Variants in RAMP1 observed in about 807,000 individuals in gnomAD.
The protein encoded by RAMP1 is receptor activity-modifying protein 1.
A neutral mutation model predicts 8.2 loss-of-function variants in RAMP1; 7 were observed. The observed-to-expected ratio is 0.85, with a 90% CI of 0.49 to 1.60. RAMP1 has a LOEUF of 1.60. RAMP1 is among the 40% of genes most tolerant of loss of function. The pLI is 0.00. For synonymous variants in RAMP1, 92 were observed against 84.7 expected (o/e 1.09, Z -0.47); for missense variants, 192 against 202.4 (o/e 0.95, Z 0.31).
At chr2:237,896,824 T>C (rs988563483) in intron 2 of RAMP1, among the ~76,000 whole-genome samples, 27 of 152,148 alleles carry the variant, frequency 1.8e-4, no homozygotes, top group African/African-American at 6.5e-4. Context: ...TTTTAAACTT[T>C]GTGTAGAGAT....
intron 2 of RAMP1, among the ~76,000 whole-genome samples, chr2:237,883,043 A>G (rs989736758): frequency 6.6e-6 from 1 of 152,102 alleles, no homozygotes; most frequent in African/African-American, 2.4e-5. Flanking sequence ...AGTGCAGTTG[A>G]GGCTTGGCAG....
intron 2 of RAMP1, among the ~76,000 whole-genome samples, chr2:237,885,231 C>T (rs936065199): frequency 6.6e-6 from 1 of 152,186 alleles, no homozygotes; most frequent in South Asian, 2.1e-4. Flanking sequence ...TCTGAAATCA[C>T]GAGGGCTGTC....
At chr2:237,883,979 T>G (rs897291724) in intron 2 of RAMP1, among the ~76,000 whole-genome samples, 2 of 146,484 alleles carry the variant, frequency 1.4e-5, no homozygotes, top group Non-Finnish European at 3.0e-5. Flanking sequence ...CCTGGGACCT[T>G]GGCTGCCCGG....
At chr2:237,902,064 GC>G (rs2062603855) in intron 2 of RAMP1, among the ~76,000 whole-genome samples, 1 of 152,122 alleles carries the variant, frequency 6.6e-6, no homozygotes, top group African/African-American at 2.4e-5. Context: ...GAAGTGAACA[GC>G]CCAGGCTTCA....
chr2:237,909,282 C>T (rs1469399165), intron 2 of RAMP1, among the ~76,000 whole-genome samples: 1 of 152,230 alleles, frequency 6.6e-6, no homozygotes, highest in Non-Finnish European at 1.5e-5. Flanking sequence ...CCTTCCCAAA[C>T]CTCCATTTCC....
At chr2:237,889,951 AC>A (rs1324818346) in intron 2 of RAMP1, among the ~76,000 whole-genome samples, 1 of 152,124 alleles carries the variant, frequency 6.6e-6, no homozygotes, top group African/African-American at 2.4e-5. Context: ...TAGTAGGAAA[AC>A]TACCATGGAC....
Position 237,878,210 on chromosome 2 carries a change from G to A in RAMP1, c.191+848G>A, listed in dbSNP as rs2062329586. The A allele has an allele frequency of 1.1e-5, 11 of 975,014 alleles. No homozygotes were observed. The highest frequency in any genetic ancestry group is 6.2e-5 in the Admixed American group (1 of 16,260). 60.4% of individuals were successfully genotyped at this position (975,014 alleles called of 1,614,324 possible). ...TCTGTCTGTGGGTTCACAGCGCAGC[G>A]CAAGTCCTGGTGCCCCACCGATGAC... On this transcript the variant is annotated intron_variant, in intron 2 of 2. Coordinates refer to ENST00000254661, the MANE Select transcript of RAMP1 (RefSeq NM_005855.4). The surrounding 1 kb of genome is among the most constrained non-coding windows in gnomAD (Gnocchi z 5.7).
intron 2 of RAMP1, among the ~76,000 whole-genome samples, chr2:237,888,517 T>G (rs1344562228): frequency 2.0e-5 from 3 of 152,204 alleles, no homozygotes; most frequent in Non-Finnish European, 4.4e-5. Flanking sequence ...CCTCTGTAGT[T>G]TTAGTTTGCA....
At chr2:237,884,305 G>A (rs965359801) in intron 2 of RAMP1, among the ~76,000 whole-genome samples, 1 of 152,110 alleles carries the variant, frequency 6.6e-6, no homozygotes, top group Non-Finnish European at 1.5e-5. Context: ...TGCTGATGGA[G>A]GCATAATGTG....
At chr2:237,894,574 G>A (rs1034093298) in intron 2 of RAMP1, among the ~76,000 whole-genome samples, 2 of 152,164 alleles carry the variant, frequency 1.3e-5, no homozygotes, top group East Asian at 1.9e-4. Context: ...TGAATCCCCC[G>A]CCCCAGATGG....
At chr2:237,883,229 T>C (rs932715849) in intron 2 of RAMP1, among the ~76,000 whole-genome samples, 4 of 152,074 alleles carry the variant, frequency 2.6e-5, no homozygotes, top group African/African-American at 9.7e-5. Flanking sequence ...GGCCTGCAGG[T>C]ATCTTGGTAT....
intron 2 of RAMP1, among the ~76,000 whole-genome samples, chr2:237,906,158 G>A (rs1177072355): frequency 6.6e-6 from 1 of 152,082 alleles, no homozygotes; most frequent in Non-Finnish European, 1.5e-5. Flanking sequence ...CCCCCACGAT[G>A]AGACTCAAAC....
intron 1 of RAMP1, chr2:237,874,720 T>C (rs945137816): frequency 4.4e-5 from 43 of 980,510 alleles, no homozygotes; most frequent in Non-Finnish European, 5.1e-5. Flanking sequence ...GGCCATCTTA[T>C]TTGCTGGCTC....
chr2:237,874,357 C>T (rs1442090257), intron 1 of RAMP1, among the ~76,000 whole-genome samples: 1 of 152,226 alleles, frequency 6.6e-6, no homozygotes, highest in East Asian at 1.9e-4. Flanking sequence ...GTTGGAGACC[C>T]CACCAGAAGG....
chr2:237,911,679 C>G lies in RAMP1; in HGVS notation c.343C>G (p.Pro115Ala). ...PISGRAVRDP[P>A]GSILYPFIVV... ...CTCAGGCAGGGCCGTGCGGGACCCG[C>G]CCGGCAGCATCCTCTACCCCTTCAT... Residue 115 changes from proline (P) to alanine (A), a missense_variant, in exon 3 of 3, where the codon CCC becomes GCC. Transcript: ENST00000254661. 6.2e-7 allele frequency: 1 copy of G among 1,613,444 alleles called. No individual in the cohort carries two copies. The highest frequency in any genetic ancestry group is 8.5e-7 in the Non-Finnish European group (1 of 1,179,482).
intron 2 of RAMP1, among the ~76,000 whole-genome samples, chr2:237,899,843 C>T (rs1050631528): frequency 1.4e-4 from 21 of 151,960 alleles, no homozygotes; most frequent in African/African-American, 2.4e-4. Context: ...TTTGGAAGGC[C>T]GAGGTGGGAG....
chr2:237,897,613 A>C (rs1407617668), intron 2 of RAMP1, among the ~76,000 whole-genome samples: 2 of 152,190 alleles, frequency 1.3e-5, no homozygotes, highest in Non-Finnish European at 2.9e-5. Flanking sequence ...TTAGCTGGTA[A>C]CAAAGGTGTG....
At chr2:237,889,726 C>T (rs973397778) in intron 2 of RAMP1, among the ~76,000 whole-genome samples, 2 of 152,226 alleles carry the variant, frequency 1.3e-5, no homozygotes, top group Non-Finnish European at 2.9e-5. Context: ...CTCCTGGGCT[C>T]AAGCAATCCT....
At chr2:237,895,241 C>T (rs574449187) in intron 2 of RAMP1, among the ~76,000 whole-genome samples, 78 of 152,214 alleles carry the variant, frequency 5.1e-4, no homozygotes, top group Non-Finnish European at 8.5e-4. Context: ...CAGGGCAGCG[C>T]GAGTCACATG....
Sources: gnomAD v4.1 joint callset for allele counts (sites outside exome capture counted in the v4.1 genomes callset) on GRCh38, gnomAD v4.1.1 for gene constraint, Gnocchi (gnomAD v3.1) non-coding constraint, MANE v1.5 for transcripts, NCBI Gene and HGNC (gene_info 2026-07-23, HGNC 2026-07-21) for gene names.